Variants in MEGF8 observed in about 807,000 individuals in gnomAD.
The protein encoded by MEGF8 is multiple EGF like domains 8.
In MEGF8, 156 loss-of-function variants were observed where a neutral mutation model predicts 302.9. That is an observed-to-expected ratio of 0.52 (90% CI 0.45 to 0.59). The LOEUF (loss-of-function observed/expected upper bound fraction) is 0.59, where lower values mean the gene tolerates loss of function less well. Ranked by LOEUF, MEGF8 falls within the 20% of genes least tolerant of loss-of-function variation. MEGF8 has a pLI of 0.00. For synonymous variants in MEGF8, 1,621 were observed against 1,660.5 expected (o/e 0.98, Z 0.58); for missense variants, 3,345 against 3,964.5 (o/e 0.84, Z 4.20).
chr19:42,334,709 C>CT (rs1214516602), intron 3 of MEGF8, among the ~76,000 whole-genome samples: 1 of 152,170 alleles, frequency 6.6e-6, no homozygotes, highest in Non-Finnish European at 1.5e-5. Flanking sequence ...AGCCTGCCGT[C>CT]TTTCTGTCTT....
chr19:42,360,718 G>C, intron 31 of MEGF8, 57 bp from the exon 32 acceptor site: 3 of 1,545,796 alleles, frequency 1.9e-6, no homozygotes, highest in Non-Finnish European at 1.7e-6. Context: ...TCATGGTGTG[G>C]GTCTCTTCCT....
chr19:42,360,144 CTT>C (rs1232910612), intron 31 of MEGF8, among the ~76,000 whole-genome samples: 1 of 136,680 alleles, frequency 7.3e-6, no homozygotes, highest in Non-Finnish European at 1.5e-5. Context: ...GAGCAAGACT[CTT>C]TCTCAAAAAA....
rs759342849 is a variant in MEGF8 at position 42,368,519 on chromosome 19, G to A, written c.6338G>A (p.Gly2113Glu). 1 of 1,608,444 alleles carries A rather than the reference G, an allele frequency of 6.2e-7. No homozygotes were observed. The highest frequency in any genetic ancestry group is 8.5e-7 in the Non-Finnish European group (1 of 1,178,190). Reference sequence around the variant, plus strand: ...GGAGGCTGTGGGCGGCTGCTCCGGGGACCTGAGAGCTGCTCCCTGGGCTGT... The same window carrying A: ...GGAGGCTGTGGGCGGCTGCTCCGGGAACCTGAGAGCTGCTCCCTGGGCTGT... The part of the protein sequence containing the change: ...MAGGCGRLLR[G>E]PESCSLGCAQ... Residue 2113 changes from glycine to glutamate, a missense_variant, in exon 36 of 42, where the codon GGA becomes GAA. Gly to Glu is a moderately conservative substitution (Grantham distance 98, BLOSUM62 -2). Transcript: ENST00000251268. This position sits in a 1 kb window ranked among gnomAD's most constrained non-coding sequence, Gnocchi z 4.9.
rs115695001 is a variant in MEGF8, at chr19:42,348,186, G to A, written c.2098-86G>A. 472 of 1,252,162 alleles carry A rather than the reference G, an allele frequency of 3.8e-4. 1 individual carries two copies. In the African/African-American group the frequency reaches 6.4e-3, roughly 17 times the overall value. The allele number at this position is 1,252,162 out of a possible 1,614,324, so 77.6% of individuals were successfully genotyped here. A position where few individuals can be genotyped will look rare whatever the true frequency, so the allele number is the denominator to read the frequency against. ...CTCATTTGGTAAAATGGGGAAGAAG[G>A]TTGGGTTGACCAGTCTTTTCTGGCT... On this transcript the variant is annotated intron_variant, in intron 12 of 41. Coordinates refer to ENST00000251268, the MANE Select transcript of MEGF8 (RefSeq NM_001271938.2).
At chr19:42,361,372 G>A (rs941718737) in intron 32 of MEGF8, among the ~76,000 whole-genome samples, 2 of 152,142 alleles carry the variant, frequency 1.3e-5, no homozygotes, top group South Asian at 2.1e-4. Flanking sequence ...CTTCAGCTGC[G>A]GTTCCAGGAA....
intron 12 of MEGF8, among the ~76,000 whole-genome samples, chr19:42,346,471 G>A (rs1025031163): frequency 6.6e-6 from 1 of 152,086 alleles, no homozygotes; most frequent in Non-Finnish European, 1.5e-5. Flanking sequence ...GAGGTCAGGA[G>A]TTTGAGATCA....
chr19:42,373,244 C>T (rs2039716933), intron 41 of MEGF8, among the ~76,000 whole-genome samples: 1 of 151,330 alleles, frequency 6.6e-6, no homozygotes, highest in Non-Finnish European at 1.5e-5. Context: ...AGGCACGTAC[C>T]ACCACCCCCC....
At chr19:42,359,900 G>T (rs10424402) in intron 31 of MEGF8, among the ~76,000 whole-genome samples, 2,060 of 92,248 alleles carry the variant, frequency 0.022, 51 homozygotes, top group Middle Eastern at 0.085. Flanking sequence ...TTGCTATGTT[G>T]CCCACGCTGG....
rs1306703269 is a variant in MEGF8, at chr19:42,352,880, G to A, written c.3351-48G>A. The A allele has an allele frequency of 1.9e-5, 26 of 1,375,820 alleles. No homozygotes were observed. Among genetic ancestry groups the A allele is most frequent in the Admixed American group, 1.6e-4 (8 of 49,858 alleles). The allele number at this position is 1,375,820 out of a possible 1,614,324, so 85.2% of individuals were successfully genotyped here. ...GTGGAGATGATGGGGTGCTTTAGGGGCTCTGGGCCTGCCTGGCGCTTTCCC... is the reference window on the plus strand; with the variant it reads ...GTGGAGATGATGGGGTGCTTTAGGGACTCTGGGCCTGCCTGGCGCTTTCCC... On this transcript the variant is annotated intron_variant, in intron 19 of 41. Coordinates refer to ENST00000251268, the MANE Select transcript of MEGF8 (RefSeq NM_001271938.2). The surrounding 1 kb of genome is among the most constrained non-coding windows in gnomAD (Gnocchi z 4.4).
Position 42,368,482 on chromosome 19 carries a change from C to A in MEGF8, c.6301C>A (p.Arg2101=). ...QCLSPSYLPL[R]CMAGGCGRLL... ...TCTGAGCCCTTCCTACCTGCCCCTG[C>A]GATGTATGGCCGGAGGCTGTGGGCG... Residue 2101 remains arginine (R), a synonymous_variant, in exon 36 of 42, where the codon CGA becomes AGA. Coordinates refer to ENST00000251268, the MANE Select transcript of MEGF8 (RefSeq NM_001271938.2). This position sits in a 1 kb window ranked among gnomAD's most constrained non-coding sequence, Gnocchi z 4.9. 6.2e-7 allele frequency: 1 copy of A among 1,609,562 alleles called. No homozygotes were observed.
rs936800742 is a variant in MEGF8 at position 42,336,438 on chromosome 19, G to A, written c.1244+92G>A. 42 of 1,282,810 alleles carry A rather than the reference G, an allele frequency of 3.3e-5. No individual in the cohort carries two copies. Among genetic ancestry groups the A allele is most frequent in the Admixed American group, 5.6e-5 (2 of 35,774 alleles). 79.5% of individuals were successfully genotyped at this position (1,282,810 alleles called of 1,614,324 possible). A position where few individuals can be genotyped will look rare whatever the true frequency, so the allele number is the denominator to read the frequency against. ...TCTTTAGAGGTCTTTGCCCACTGTCGGACTCCTGTGGTCTCTCAGTCACTC... is the reference window on the plus strand; with the variant it reads ...TCTTTAGAGGTCTTTGCCCACTGTCAGACTCCTGTGGTCTCTCAGTCACTC... On this transcript the variant is annotated intron_variant, in intron 6 of 41. Coordinates refer to ENST00000251268, the MANE Select transcript of MEGF8 (RefSeq NM_001271938.2). This position sits in a 1 kb window ranked among gnomAD's most constrained non-coding sequence, Gnocchi z 4.8.
At position 42,351,603 on chromosome 19, in the gene MEGF8, C is replaced by A. The variant is rs374749145; in HGVS notation, c.2987+43C>A. The stretch of plus-strand genomic sequence containing the variant: ...GGGCTAACAGAGGAAGATTCCCCAC[C>A]GGCAAGGGGCTGGGGCTCTGACCCC... On this transcript the variant is annotated intron_variant, in intron 17 of 41. Transcript: ENST00000251268. The surrounding 1 kb of genome is among the most constrained non-coding windows in gnomAD (Gnocchi z 5.6). 6.2e-7 allele frequency: 1 copy of A among 1,601,370 alleles called. No homozygotes were observed. Among genetic ancestry groups the A allele is most frequent in the African/African-American group, 1.3e-5 (1 of 74,610 alleles).
In MEGF8 at chr19:42,376,787, TTCTCA is replaced by T. The variant is rs2039777237; in HGVS notation, c.*15_*19del. On this transcript the variant is annotated 3_prime_UTR_variant, in exon 42 of 42. Coordinates refer to ENST00000251268, the MANE Select transcript of MEGF8 (RefSeq NM_001271938.2). This position sits in a 1 kb window ranked among gnomAD's most constrained non-coding sequence, Gnocchi z 8.2. ...GCATGTCCCTCTGACATGCCCAGGG[TTCTCA>T]TCCACAGCAGCTGGGTCACCTGATA... 2 of 1,432,144 alleles carry T rather than the reference TTCTCA, an allele frequency of 1.4e-6. No individual in the cohort carries two copies. Among genetic ancestry groups the T allele is most frequent in the Non-Finnish European group, 1.8e-6 (2 of 1,096,370 alleles). 88.7% of individuals were successfully genotyped at this position (1,432,144 alleles called of 1,614,324 possible).
At position 42,359,146 on chromosome 19, in the gene MEGF8, G is replaced by A; in HGVS notation, c.5392G>A (p.Val1798Met). The part of the protein sequence containing the change: ...HASALLGDTM[V>M]VLGGRSDPDE... The stretch of plus-strand genomic sequence containing the variant: ...CTCAGCCCTGTTAGGGGACACCATG[G>A]TGGTTCTTGGGGGGCGCTCGGACCC... The change falls in exon 31 of 42, where the codon GTG (valine) becomes ATG (methionine). Residue 1798 changes from valine to methionine, a missense_variant. Physicochemically the swap from Val to Met is conservative, Grantham distance 21 (BLOSUM62 1). Transcript: ENST00000251268. The A allele has an allele frequency of 1.3e-6, 2 of 1,596,020 alleles. No individual in the cohort carries two copies. Among genetic ancestry groups the A allele is most frequent in the Non-Finnish European group, 8.5e-7 (1 of 1,171,748 alleles).
chr19:42,378,452 C>G lies in MEGF8; in HGVS notation c.*1677C>G, dbSNP rs528742107. On this transcript the variant is annotated 3_prime_UTR_variant, in exon 42 of 42. Coordinates refer to ENST00000251268, the MANE Select transcript of MEGF8 (RefSeq NM_001271938.2). ...GTACCGTCAGTGCACAGCCCTGTTC[C>G]AGACAGTGCTGCCTGGAAGATTTCT... is the stretch of plus-strand genomic sequence containing the variant. 1 of 153,964 alleles carries G rather than the reference C, an allele frequency of 6.5e-6. No individual in the cohort carries two copies. The highest frequency in any genetic ancestry group is 2.4e-5 in the African/African-American group (1 of 41,576). The allele number at this position is 153,964 out of a possible 1,614,324, so 9.5% of individuals were successfully genotyped here. A position where few individuals can be genotyped will look rare whatever the true frequency, so the allele number is the denominator to read the frequency against.
In MEGF8 at chr19:42,353,317, C is replaced by A. The variant is rs989047623; in HGVS notation, c.3551-148C>A. 5 of 1,085,930 alleles carry A rather than the reference C, an allele frequency of 4.6e-6. No homozygotes were observed. In the African/African-American group the frequency reaches 4.8e-5, roughly 10 times the overall value. 67.3% of individuals were successfully genotyped at this position (1,085,930 alleles called of 1,614,324 possible). On this transcript the variant is annotated intron_variant, in intron 20 of 41. Coordinates refer to ENST00000251268, the MANE Select transcript of MEGF8 (RefSeq NM_001271938.2). This position sits in a 1 kb window ranked among gnomAD's most constrained non-coding sequence, Gnocchi z 6.1. ...CACTCTGGTTGGGCTTCAGTTCCCC[C>A]TCTTGGGACTTGCTGTTTCCCCTGA...
intron 14 of MEGF8, 35 bp from the exon 15 acceptor site, chr19:42,350,113 C>A: frequency 6.4e-7 from 1 of 1,555,620 alleles, no homozygotes; most frequent in Admixed American, 1.7e-5. Context: ...CTGCCCCAGA[C>A]CTTGACTGCT....
At position 42,369,753 on chromosome 19, in the gene MEGF8, C is replaced by T; in HGVS notation, c.6834+30C>T. On this transcript the variant is annotated intron_variant, in intron 38 of 41. Coordinates refer to ENST00000251268, the MANE Select transcript of MEGF8 (RefSeq NM_001271938.2). This position sits in a 1 kb window ranked among gnomAD's most constrained non-coding sequence, Gnocchi z 5.7. ...GCCGCCCGGAGCCTCAGACCCCCGACCCTGGGACCCAGGCCCTCACTTGCC... is the reference window on the plus strand; with the variant it reads ...GCCGCCCGGAGCCTCAGACCCCCGATCCTGGGACCCAGGCCCTCACTTGCC... 1 of 1,566,364 alleles carries T rather than the reference C, an allele frequency of 6.4e-7. No individual in the cohort carries two copies. The highest frequency in any genetic ancestry group is 1.2e-5 in the South Asian group (1 of 86,622).
rs1438790758 is a variant in MEGF8, at chr19:42,343,562, C to T, written c.1599C>T (p.Ser533=). The change falls in exon 9 of 42, where the codon AGC becomes AGT. Residue 533 remains serine (S), a synonymous_variant. Coordinates refer to ENST00000251268, the MANE Select transcript of MEGF8 (RefSeq NM_001271938.2). ...GSVLLVAGGY[S]GRPRGDLMAY... ...TCCTGTTGGTGGCTGGGGGGTACAG[C>T]GGCCGGCCCCGTGGGGACTTGATGG... is the stretch of plus-strand genomic sequence containing the variant. 12 of 1,613,234 alleles carry T rather than the reference C, an allele frequency of 7.4e-6. No homozygotes were observed. The highest frequency in any genetic ancestry group is 1.1e-5 in the South Asian group (1 of 91,010).
Sources: allele counts gnomAD v4.1 joint callset (sites outside exome capture counted in the v4.1 genomes callset), GRCh38; gene constraint gnomAD v4.1.1; non-coding constraint Gnocchi (gnomAD v3.1); transcripts MANE v1.5; gene names NCBI Gene and HGNC (gene_info 2026-07-23, HGNC 2026-07-21).